Variants in COL18A1 observed in about 807,000 individuals in gnomAD.
COL18A1 encodes the protein collagen type XVIII alpha 1 chain.
A neutral mutation model predicts 168.0 loss-of-function variants in COL18A1; 133 were observed. The ratio of observed to expected loss-of-function variants is 0.79; its 90% CI spans 0.69 to 0.91. The LOEUF is 0.91. Among genes scored for constraint, COL18A1 ranks in the 40% least tolerant of loss-of-function variants. The pLI, the probability that COL18A1 is intolerant of heterozygous loss-of-function variation, is 0.00. For synonymous variants in COL18A1, 949 were observed against 809.0 expected, an observed-to-expected ratio of 1.17 and a Z score of -2.94; for missense variants, 2,126 against 1,925.4, an observed-to-expected ratio of 1.10 and a Z score of -1.95.
chr21:45,418,635 C>T (rs1463142827), intron 2 of COL18A1, among the ~76,000 whole-genome samples: 1 of 152,190 alleles, frequency 6.6e-6, no homozygotes, highest in Non-Finnish European at 1.5e-5. Context: ...CCCACCGTGT[C>T]CACAGCCCGC....
intron 2 of COL18A1, chr21:45,455,545 C>T (rs769086878): frequency 6.2e-7 from 1 of 1,613,426 alleles, no homozygotes; most frequent in Non-Finnish European, 8.5e-7. Flanking sequence ...CTCCCTACCC[C>T]TGTGGCTGCC....
rs1381368474 is a variant in COL18A1, at chr21:45,502,042, C to T, written c.2684-1969C>T. On this transcript the variant is annotated intron_variant, in intron 32 of 41. Coordinates refer to ENST00000651438, the MANE Select transcript of COL18A1 (RefSeq NM_001379500.1). Reference sequence around the variant, plus strand: ...CCTCTGCAGAAGGACCCTCAGGGGCCTCCGCAGCCGGTCACCTCCCTCTGC... The same window carrying T: ...CCTCTGCAGAAGGACCCTCAGGGGCTTCCGCAGCCGGTCACCTCCCTCTGC... 2.0e-4 allele frequency among the ~76,000 whole-genome samples: 6 copies of T among 29,466 alleles called. 2 individuals carry two copies. Among genetic ancestry groups the T allele is most frequent in the South Asian group, 1.6e-3 (2 of 1,228 alleles). The allele number at this position is 29,466 out of a possible 152,430, so 19.3% of individuals were successfully genotyped here.
rs751638387 is a variant in COL18A1, at chr21:45,503,889, G to C, written c.2684-122G>C. Reference sequence around the variant, plus strand: ...CTAGGAAGAACCTAATTAAATACGCGATCTCTACCGCGAAATGGCTAGAAG... The same window carrying C: ...CTAGGAAGAACCTAATTAAATACGCCATCTCTACCGCGAAATGGCTAGAAG... On this transcript the variant is annotated intron_variant, in intron 32 of 41. Coordinates refer to ENST00000651438, the MANE Select transcript of COL18A1 (RefSeq NM_001379500.1). 4 of 935,944 alleles carry C rather than the reference G, an allele frequency of 4.3e-6. No homozygotes were observed. In the Admixed American group the frequency reaches 5.5e-5, roughly 13 times the overall value. The allele number at this position is 935,944 out of a possible 1,614,324, so 58.0% of individuals were successfully genotyped here. A position where few individuals can be genotyped will look rare whatever the true frequency, so the allele number is the denominator to read the frequency against.
chr21:45,436,947 CCTGGCTGGGGAGCAGCTGGCT>C (rs992125876), intron 2 of COL18A1, among the ~76,000 whole-genome samples: 3 of 151,430 alleles, frequency 2.0e-5, no homozygotes, highest in Non-Finnish European at 4.4e-5. Flanking sequence ...TGCGCGGGGC[CCTGGCTGGGGAGCAGCTGGCT>C]GTGGCAGGAG....
intron 2 of COL18A1, among the ~76,000 whole-genome samples, chr21:45,430,974 A>T (rs2033941995): frequency 6.6e-6 from 1 of 152,234 alleles, no homozygotes; most frequent in East Asian, 1.9e-4. Context: ...AGAAAGACCT[A>T]GAAATAAGTC....
At chr21:45,436,985 C>T (rs748461903) in intron 2 of COL18A1, among the ~76,000 whole-genome samples, 2 of 152,042 alleles carry the variant, frequency 1.3e-5, no homozygotes, top group Non-Finnish European at 2.9e-5. Flanking sequence ...GGAGCTGTGG[C>T]TGGGGCTTCT....
At chr21:45,411,663 G>C (rs2033292982) in intron 2 of COL18A1, among the ~76,000 whole-genome samples, 1 of 151,568 alleles carries the variant, frequency 6.6e-6, no homozygotes, top group Non-Finnish European at 1.5e-5. Context: ...AGCAGTCATA[G>C]GGAACAGTGC....
intron 7 of COL18A1, 54 bp downstream of exon 7, chr21:45,477,541 CT>C: frequency 6.6e-7 from 1 of 1,520,194 alleles, no homozygotes; most frequent in Non-Finnish European, 9.0e-7. Flanking sequence ...CACCTGTGGC[CT>C]TTTGGGCCAC....
At position 45,471,193 on chromosome 21, in the gene COL18A1, T is replaced by A. The variant is rs545673620; in HGVS notation, c.651+2407T>A. 1.3e-4 allele frequency among the ~76,000 whole-genome samples: 20 copies of A among 151,680 alleles called. No individual in the cohort carries two copies. In the South Asian group the frequency reaches 2.7e-3, roughly 20 times the overall value. Reference sequence around the variant, plus strand: ...GTGCTGCTGGGCGTGGGTGGCGCGCTATGGGCCGTGTGCTGAGGGCTGTGT... The same window carrying A: ...GTGCTGCTGGGCGTGGGTGGCGCGCAATGGGCCGTGTGCTGAGGGCTGTGT... On this transcript the variant is annotated intron_variant, in intron 3 of 41. Coordinates refer to ENST00000651438, the MANE Select transcript of COL18A1 (RefSeq NM_001379500.1). This position sits in a 1 kb window ranked among gnomAD's most constrained non-coding sequence, Gnocchi z 4.4.
chr21:45,422,355 G>A, intron 2 of COL18A1: 1 of 433,956 alleles, frequency 2.3e-6, no homozygotes, highest in South Asian at 1.8e-5. Context: ...TGGGCTTGGT[G>A]GGCAGGCATT....
chr21:45,410,945 A>G (rs2033271272), intron 2 of COL18A1, among the ~76,000 whole-genome samples: 1 of 152,086 alleles, frequency 6.6e-6, no homozygotes, highest in South Asian at 2.1e-4. Flanking sequence ...ACACCTGGGC[A>G]GGCCCGAGTC....
At position 45,405,375 on chromosome 21, in the gene COL18A1, G is replaced by A. The variant is rs1412558232; in HGVS notation, c.12-4G>A. The A allele has an allele frequency of 7.8e-7, 1 of 1,279,792 alleles. No individual in the cohort carries two copies. The highest frequency in any genetic ancestry group is 9.9e-7 in the Non-Finnish European group (1 of 1,012,044). 79.3% of individuals were successfully genotyped at this position (1,279,792 alleles called of 1,614,324 possible). A position where few individuals can be genotyped will look rare whatever the true frequency, so the allele number is the denominator to read the frequency against. On this transcript the variant is annotated splice_polypyrimidine_tract_variant and splice_region_variant and intron_variant, in intron 1 of 41. Transcript: ENST00000651438. ...GGGGTCTGACCCGTGCCTGTCCCGC[G>A]CAGGTGCCCCTGGCCATGGCCGCGG...
rs2037178205 is a variant in COL18A1 at position 45,505,951 on chromosome 21, G to A, written c.3201G>A (p.Gly1067=). The A allele has an allele frequency of 3.7e-6, 6 of 1,613,242 alleles. No individual in the cohort carries two copies. The highest frequency in any genetic ancestry group is 1.3e-5 in the African/African-American group (1 of 75,064). The part of the protein sequence containing the change: ...QEELYVRVQN[G]FRKVQLEART... ...AGCTCTACGTCCGCGTGCAGAACGG[G>A]TTCCGGAAGGTCCAGGTGAGCGCTC... The change falls in exon 37 of 42, where the codon GGG becomes GGA. Residue 1067 remains glycine, a synonymous_variant. Coordinates refer to ENST00000651438, the MANE Select transcript of COL18A1 (RefSeq NM_001379500.1).
At chr21:45,476,625 C>A (rs908599856) in intron 6 of COL18A1, 145 bp downstream of exon 6, 4 of 1,050,478 alleles carry the variant, frequency 3.8e-6, no homozygotes, top group Admixed American at 2.0e-5. Flanking sequence ...TGATATGGCA[C>A]GTGTTTGTGT....
At chr21:45,451,749 A>C (rs1296296956) in intron 2 of COL18A1, among the ~76,000 whole-genome samples, 1 of 152,160 alleles carries the variant, frequency 6.6e-6, no homozygotes, top group East Asian at 1.9e-4. Context: ...GGGTGGGGGC[A>C]CTTCAGACTG....
chr21:45,488,436 G>A lies in COL18A1; in HGVS notation c.1915G>A (p.Gly639Arg). The A allele has an allele frequency of 6.2e-7, 1 of 1,613,904 alleles. No individual in the cohort carries two copies. Among genetic ancestry groups the A allele is most frequent in the Non-Finnish European group, 8.5e-7 (1 of 1,180,002 alleles). The change falls in exon 18 of 42, where the codon GGA becomes AGA. Residue 639 changes from glycine (G) to arginine (R), a missense_variant. Physicochemically the swap from Gly to Arg is moderately radical, Grantham distance 125. Coordinates refer to ENST00000651438, the MANE Select transcript of COL18A1 (RefSeq NM_001379500.1). ...DGPQGPPGLP[G>R]LKGDPGVPGL... Reference sequence around the variant, plus strand: ...CTGACAGGGACCTCCCGGCCTGCCGGGACTTAAGGTCAGTGACGGATATGT... The same window carrying A: ...CTGACAGGGACCTCCCGGCCTGCCGAGACTTAAGGTCAGTGACGGATATGT...
chr21:45,464,112 A>G (rs2035125461), intron 2 of COL18A1, among the ~76,000 whole-genome samples: 1 of 152,138 alleles, frequency 6.6e-6, no homozygotes, highest in African/African-American at 2.4e-5. Flanking sequence ...AGGAAGAGAC[A>G]CACATCTGCG....
rs1203615162 is a variant in COL18A1, at chr21:45,510,237, A to G, written c.3669A>G (p.Ala1223=). ...LYSIVRRADR[A]AVPIVNLKDE... is the part of the protein sequence containing the mutation. ...GCATCGTGCGCCGTGCCGACCGCGC[A>G]GCCGTGCCCATCGTCAACCTCAAGG... The change falls in exon 40 of 42, where the codon GCA becomes GCG. Residue 1223 remains alanine (A), a synonymous_variant. Coordinates refer to ENST00000651438, the MANE Select transcript of COL18A1 (RefSeq NM_001379500.1). 1 of 1,606,304 alleles carries G rather than the reference A, an allele frequency of 6.2e-7. No homozygotes were observed. Among genetic ancestry groups the G allele is most frequent in the East Asian group, 2.3e-5 (1 of 44,426 alleles).
At chr21:45,405,315 TCGGCC>T (rs2123482500) in intron 1 of COL18A1, 59 bp from the exon 2 acceptor site, 3 of 629,338 alleles carry the variant, frequency 4.8e-6, no homozygotes, top group South Asian at 7.3e-5. Context: ...GTCGCGGGGC[TCGGCC>T]GGGTCCTGCG....
Sources: gnomAD v4.1 joint callset for allele counts (sites outside exome capture counted in the v4.1 genomes callset) on GRCh38, gnomAD v4.1.1 for gene constraint, Gnocchi (gnomAD v3.1) non-coding constraint, MANE v1.5 for transcripts, NCBI Gene and HGNC (gene_info 2026-07-23, HGNC 2026-07-21) for gene names.